SYT10: variants seen among roughly 807,000 people sequenced by gnomAD.
SYT10 encodes the protein synaptotagmin 10, also known as synaptotagmin-10.
In SYT10, 31 loss-of-function variants were observed where a neutral mutation model predicts 51.1. The observed-to-expected ratio is 0.61, with a 90% confidence interval of 0.46 to 0.82. The LOEUF is 0.82. Among genes scored for constraint, SYT10 ranks in the 40% least tolerant of loss-of-function variants. The pLI, the probability that SYT10 is intolerant of heterozygous loss-of-function variation, is 0.00. For synonymous variants in SYT10, 233 were observed against 225.9 expected (o/e 1.03, Z -0.28); for missense variants, 603 against 634.0 (o/e 0.95, Z 0.53).
At chr12:33,431,293 G>T (rs576384927) in intron 1 of SYT10, among the ~76,000 whole-genome samples, 1 of 152,250 alleles carries the variant, frequency 6.6e-6, no homozygotes, top group Non-Finnish European at 1.5e-5. Context: ...ACTGAAAAAT[G>T]CTCTTTTAAA....
At chr12:33,427,556 A>G (rs1866563215) in intron 1 of SYT10, among the ~76,000 whole-genome samples, 1 of 152,232 alleles carries the variant, frequency 6.6e-6, no homozygotes, top group Non-Finnish European at 1.5e-5. Flanking sequence ...TGCTTAATAG[A>G]AAACAGTGCA....
rs545902934 is a variant in SYT10 at position 33,410,051 on chromosome 12, A to G, written c.510-2695T>C. Among the ~76,000 whole-genome samples the G allele has an allele frequency of 3.9e-5, 6 of 152,342 alleles. No individual in the cohort carries two copies. The South Asian group carries it at 1.2e-3, about 32-fold the overall frequency. On this transcript the variant is annotated intron_variant, in intron 2 of 6. Transcript: ENST00000228567. ...CTTCCTCAAGCTGGAAATGTAGAAC[A>G]AAGGTTAGATGCTGAAGAAAAATAT...
chr12:33,431,891 G>A (rs972895900), intron 1 of SYT10, among the ~76,000 whole-genome samples: 3 of 152,070 alleles, frequency 2.0e-5, no homozygotes, highest in African/African-American at 2.4e-5. Context: ...GTTAGCTTTA[G>A]AGCACAGTAC....
At chr12:33,411,312 C>T (rs1334280977) in intron 2 of SYT10, among the ~76,000 whole-genome samples, 5 of 151,986 alleles carry the variant, frequency 3.3e-5, no homozygotes, top group Admixed American at 6.6e-5. Context: ...CCACTAAGAT[C>T]TCAAGTTTAT....
At chr12:33,381,916 G>A (rs928850841) in intron 5 of SYT10, among the ~76,000 whole-genome samples, 2 of 152,256 alleles carry the variant, frequency 1.3e-5, no homozygotes, top group South Asian at 2.1e-4. Context: ...TGATGCTTAA[G>A]TTTTACAAAT....
chr12:33,377,947 A>G (rs999739947), intron 6 of SYT10, among the ~76,000 whole-genome samples: 2 of 152,292 alleles, frequency 1.3e-5, no homozygotes, highest in East Asian at 3.9e-4. Context: ...GATTTTCTAC[A>G]TGATACTTTA....
In SYT10 at chr12:33,374,245, T is replaced by C. The variant is rs376274118; in HGVS notation, c.*2585A>G. 1 of 151,750 alleles carries C rather than the reference T, an allele frequency of 6.6e-6. No homozygotes were observed. The highest frequency in any genetic ancestry group is 2.1e-4 in the South Asian group (1 of 4,816). The allele number at this position is 151,750 out of a possible 1,614,324, so 9.4% of individuals were successfully genotyped here. A position where few individuals can be genotyped will look rare whatever the true frequency, so the allele number is the denominator to read the frequency against. On this transcript the variant is annotated 3_prime_UTR_variant, in exon 7 of 7. Transcript: ENST00000228567. ...ATGCTAATGAATCAACCCTTACTCT[T>C]TTTTTTCCTAGACTGATATTTGGTA...
intron 2 of SYT10, among the ~76,000 whole-genome samples, chr12:33,411,551 A>C (rs1345483529): frequency 6.6e-6 from 1 of 152,202 alleles, no homozygotes; most frequent in African/African-American, 2.4e-5. Context: ...TATATCATAT[A>C]TTAAAAATGA....
In SYT10 at chr12:33,378,926, C is replaced by T. The variant is rs543928025; in HGVS notation, c.1500+906G>A. ...ATTATGAAGTCAGATAAAGACTTGA[C>T]GCATTCACATATAAACAGATATTGA... On this transcript the variant is annotated intron_variant, in intron 6 of 6. Transcript: ENST00000228567. Among the ~76,000 whole-genome samples the T allele has an allele frequency of 4.6e-5, 7 of 152,082 alleles. No homozygotes were observed. In the South Asian group the frequency reaches 1.0e-3, roughly 23 times the overall value.
At chr12:33,390,405 A>G (rs560980420) in intron 3 of SYT10, among the ~76,000 whole-genome samples, 1 of 152,252 alleles carries the variant, frequency 6.6e-6, no homozygotes, top group East Asian at 1.9e-4. Context: ...AAAATTCTCA[A>G]GAGGATTATC....
At chr12:33,431,405 A>G (rs1419447412) in intron 1 of SYT10, among the ~76,000 whole-genome samples, 1 of 152,200 alleles carries the variant, frequency 6.6e-6, no homozygotes, top group Non-Finnish European at 1.5e-5. Context: ...TCACTTTCTC[A>G]TCTATAAATC....
intron 3 of SYT10, among the ~76,000 whole-genome samples, chr12:33,394,403 A>G (rs1866236239): frequency 6.6e-6 from 1 of 152,160 alleles, no homozygotes; most frequent in Non-Finnish European, 1.5e-5. Flanking sequence ...CATTTTTTCA[A>G]AATATGAGGG....
At chr12:33,415,651 T>C (rs541995159) in intron 2 of SYT10, among the ~76,000 whole-genome samples, 30 of 152,178 alleles carry the variant, frequency 2.0e-4, no homozygotes, top group Non-Finnish European at 5.9e-5. Context: ...CATCAGAAAC[T>C]CTCATCATAT....
In SYT10 at chr12:33,426,156, T is replaced by G; in HGVS notation, c.491A>C (p.Glu164Ala). The change falls in exon 2 of 7, where the codon GAG becomes GCG. Residue 164 changes from glutamate (E) to alanine (A), a missense_variant. Coordinates refer to ENST00000228567, the MANE Select transcript of SYT10 (RefSeq NM_198992.4). ...TCCTTACCGGGTTGATGACGTAGGC[T>G]CAGTAATTTGTCTTTGCACACGTGC... ...KHARVQRQIT[E>A]PTSSTRHSSF... 1 of 1,605,512 alleles carries G rather than the reference T, an allele frequency of 6.2e-7. No individual in the cohort carries two copies. Among genetic ancestry groups the G allele is most frequent in the Non-Finnish European group, 8.5e-7 (1 of 1,177,738 alleles).
chr12:33,420,484 A>G lies in SYT10; in HGVS notation c.509+5654T>C, dbSNP rs1866492700. Among the ~76,000 whole-genome samples, 4 of 147,392 alleles carry G rather than the reference A, an allele frequency of 2.7e-5. No individual in the cohort carries two copies. In the South Asian group the frequency reaches 9.4e-4, roughly 34 times the overall value. ...CAACACTTTGAGACCTCATCTCTAGAAAAAAAAATAAAAAATAATTAGCTG... is the reference window on the plus strand; with the variant it reads ...CAACACTTTGAGACCTCATCTCTAGGAAAAAAAATAAAAAATAATTAGCTG... On this transcript the variant is annotated intron_variant, in intron 2 of 6. Coordinates refer to ENST00000228567, the MANE Select transcript of SYT10 (RefSeq NM_198992.4).
rs1866360882 is a variant in SYT10 at position 33,407,058 on chromosome 12, A to C, written c.808T>G (p.Tyr270Asp). 6.2e-7 allele frequency: 1 copy of C among 1,614,160 alleles called. No individual in the cohort carries two copies. Residue 270 changes from tyrosine to aspartate, a missense_variant, in exon 3 of 7, where the codon TAT becomes GAT. Transcript: ENST00000228567. ...TCTGGAAGAAGATACATCTTCACAT[A>C]AGGGTCAGAAGTTCCTGTGAAGTCT... Reference protein sequence around the residue: ...AKDFTGTSDPYVKMYLLPDRK... With the variant: ...AKDFTGTSDPDVKMYLLPDRK...
chr12:33,404,568 T>G (rs1391652443), intron 3 of SYT10, among the ~76,000 whole-genome samples: 2 of 152,036 alleles, frequency 1.3e-5, no homozygotes, highest in Non-Finnish European at 2.9e-5. Context: ...ATTTTTTGTA[T>G]TTTTAGTAGA....
At chr12:33,404,431 C>A (rs1307918668) in intron 3 of SYT10, among the ~76,000 whole-genome samples, 1 of 152,046 alleles carries the variant, frequency 6.6e-6, no homozygotes, top group African/African-American at 2.4e-5. Context: ...CGCTCTGTTG[C>A]CCAGGCTGGA....
chr12:33,432,704 A>G (rs1323863669), intron 1 of SYT10: 1 of 152,148 alleles, frequency 6.6e-6, no homozygotes. Flanking sequence ...TGTTTAATTA[A>G]GACAATATTG....
Sources: gnomAD v4.1 joint callset for allele counts (sites outside exome capture counted in the v4.1 genomes callset) on GRCh38, gnomAD v4.1.1 for gene constraint, MANE v1.5 for transcripts, NCBI Gene and HGNC (gene_info 2026-07-23, HGNC 2026-07-21) for gene names.